The following HOMEZ variants were observed in gnomAD, a reference collection of about 807,000 sequenced individuals.
HOMEZ encodes the protein homeobox and leucine zipper encoding, also known as homeobox and leucine zipper protein Homez.
HOMEZ carries 20 observed loss-of-function variants against 50.1 expected under a neutral mutation model. The observed-to-expected ratio is 0.40, with a 90% CI of 0.28 to 0.58. HOMEZ has a LOEUF of 0.58. Among genes scored for constraint, HOMEZ ranks in the 20% least tolerant of loss-of-function variants. HOMEZ has a pLI of 0.46. For missense variants in HOMEZ, 579 were observed against 680.5 expected (o/e 0.85, Z 1.66); for synonymous variants, 239 against 254.7 (o/e 0.94, Z 0.59).
In HOMEZ at chr14:23,276,120, T is replaced by C. The variant is rs1307148212; in HGVS notation, c.1108A>G (p.Ile370Val). 1 of 1,614,002 alleles carries C rather than the reference T, an allele frequency of 6.2e-7. No homozygotes were observed. Among genetic ancestry groups the C allele is most frequent in the South Asian group, 1.1e-5 (1 of 91,084 alleles). ...TKRKTKEQLA[I>V]LKSFFLQCQW... Reference sequence around the variant, plus strand: ...CACTGTAAAAAAAAGGATTTAAGGATAGCCAGCTGCTCTTTGGTTTTGCGC... The same window carrying C: ...CACTGTAAAAAAAAGGATTTAAGGACAGCCAGCTGCTCTTTGGTTTTGCGC... Residue 370 changes from isoleucine to valine, a missense_variant, in exon 2 of 2, where the codon ATC (isoleucine) becomes GTC (valine). Ile to Val is a conservative substitution (Grantham distance 29). Coordinates refer to ENST00000357460, the MANE Select transcript of HOMEZ (RefSeq NM_020834.3). This position sits in a 1 kb window ranked among gnomAD's most constrained non-coding sequence, Gnocchi z 4.1.
At chr14:23,285,852 C>T in intron 1 of HOMEZ, 61 bp downstream of exon 1, 2 of 986,908 alleles carry the variant, frequency 2.0e-6, no homozygotes, top group Non-Finnish European at 2.7e-6. Context: ...GATGGGGCTC[C>T]AGAGGTGGGA....
At chr14:23,283,380 A>G (rs570723444) in intron 1 of HOMEZ, among the ~76,000 whole-genome samples, 1 of 152,042 alleles carries the variant, frequency 6.6e-6, no homozygotes, top group Non-Finnish European at 1.5e-5. Flanking sequence ...CTACAAATAA[A>G]TATATAAATT....
Position 23,275,862 on chromosome 14 carries a change from T to G in HOMEZ, c.1366A>C (p.Ile456Leu), listed in dbSNP as rs750025995. The change falls in exon 2 of 2, where the codon ATC (isoleucine) becomes CTC (leucine). Residue 456 changes from isoleucine (I) to leucine (L), a missense_variant. By Grantham distance (5) the Ile-to-Leu change is conservative (BLOSUM62 2). Coordinates refer to ENST00000357460, the MANE Select transcript of HOMEZ (RefSeq NM_020834.3). Reference protein sequence around the residue: ...NERAETPPLPIPPPPPDIQPL... With the variant: ...NERAETPPLPLPPPPPDIQPL... ...TGTATATCCGGTGGGGGTGGAGGGA[T>G]CGGCAGAGGTGGTGTCTCAGCCCTT... The G allele has an allele frequency of 5.0e-6, 8 of 1,596,916 alleles. No individual in the cohort carries two copies. The highest frequency in any genetic ancestry group is 6.0e-6 in the Non-Finnish European group (7 of 1,170,624).
rs1886324362 is a variant in HOMEZ, at chr14:23,275,571, C to T, written c.*4G>A. Reference sequence around the variant, plus strand: ...AACAGACCTCCCCTCCCCCAGCTCCCCACTCAGTCTTGTATGATCACATCA... The same window carrying T: ...AACAGACCTCCCCTCCCCCAGCTCCTCACTCAGTCTTGTATGATCACATCA... On this transcript the variant is annotated 3_prime_UTR_variant, in exon 2 of 2. Coordinates refer to ENST00000357460, the MANE Select transcript of HOMEZ (RefSeq NM_020834.3). 1.3e-6 allele frequency: 2 copies of T among 1,541,308 alleles called. No individual in the cohort carries two copies. The highest frequency in any genetic ancestry group is 8.8e-7 in the Non-Finnish European group (1 of 1,140,494).
chr14:23,277,166 G>C lies in HOMEZ; in HGVS notation c.62C>G (p.Ser21Ter). The stretch of plus-strand genomic sequence containing the variant: ...TTTATTAGGAGGCATGGTGCCTTCT[G>C]ATTTGTGCCCTTCAGAGATAGCTGC... The part of the protein sequence containing the change: ...LDCAISEGHK[S>*]EGTMPPNKEA... Residue 21 changes from serine to a stop codon, truncating the protein, a stop_gained, in exon 2 of 2, where the codon TCA becomes TGA. Coordinates refer to ENST00000357460, the MANE Select transcript of HOMEZ (RefSeq NM_020834.3). LOFTEE classifies it high-confidence loss of function. The C allele has an allele frequency of 6.3e-7, 1 of 1,591,360 alleles. No homozygotes were observed. The highest frequency in any genetic ancestry group is 8.6e-7 in the Non-Finnish European group (1 of 1,168,382).
chr14:23,281,430 A>C (rs1264478311), intron 1 of HOMEZ, among the ~76,000 whole-genome samples: 2 of 152,106 alleles, frequency 1.3e-5, no homozygotes, highest in Admixed American at 1.3e-4. Context: ...CAGCTATGTG[A>C]TCTCAGGCAA....
Position 23,276,782 on chromosome 14 carries a change from G to A in HOMEZ, c.446C>T (p.Pro149Leu), listed in dbSNP as rs1352623140. The change falls in exon 2 of 2, where the codon CCA (proline) becomes CTA (leucine). Residue 149 changes from proline (P) to leucine (L), a missense_variant. Transcript: ENST00000357460. The surrounding 1 kb of genome is among the most constrained non-coding windows in gnomAD (Gnocchi z 4.1). ...CACTGGAGGAGGAGGCACCTCCTCT[G>A]GGGGCCGTCCCGCATGATGAGTAAA... ...LSFTHHAGRPPEEVPPPPVPA... is the reference protein window; with the variant it reads ...LSFTHHAGRPLEEVPPPPVPA... 3 of 1,614,038 alleles carry A rather than the reference G, an allele frequency of 1.9e-6. No individual in the cohort carries two copies. Among genetic ancestry groups the A allele is most frequent in the Non-Finnish European group, 2.5e-6 (3 of 1,179,886 alleles).
rs1344825180 is a variant in HOMEZ, at chr14:23,273,163, G to A, written c.*2412C>T. Reference sequence around the variant, plus strand: ...CTCATTTCCTACAATTTGGAACAAAGGTCAAAAAAATAATTCTTGGCATCA... The same window carrying A: ...CTCATTTCCTACAATTTGGAACAAAAGTCAAAAAAATAATTCTTGGCATCA... On this transcript the variant is annotated 3_prime_UTR_variant, in exon 2 of 2. Coordinates refer to ENST00000357460, the MANE Select transcript of HOMEZ (RefSeq NM_020834.3). 7.2e-6 allele frequency: 2 copies of A among 276,692 alleles called. No homozygotes were observed. Among genetic ancestry groups the A allele is most frequent in the Non-Finnish European group, 1.4e-5 (2 of 147,078 alleles). 17.1% of individuals were successfully genotyped at this position (276,692 alleles called of 1,614,324 possible).
At position 23,275,591 on chromosome 14, in the gene HOMEZ, A is replaced by ACAT. The variant is rs148005528; in HGVS notation, c.1634_1636dup (p.Asp545dup). 449 of 1,498,278 alleles carry ACAT rather than the reference A, an allele frequency of 3.0e-4. 1 individual carries two copies. Among genetic ancestry groups the ACAT allele is most frequent in the African/African-American group, 1.8e-3 (124 of 69,804 alleles). 92.8% of individuals were successfully genotyped at this position (1,498,278 alleles called of 1,614,324 possible). On this transcript the variant is annotated inframe_insertion, in exon 2 of 2. Transcript: ENST00000357460. ...GCTCCCCACTCAGTCTTGTATGATC[A>ACAT]CATCATCATCATCATCATCATCATC... is the stretch of plus-strand genomic sequence containing the variant.
intron 1 of HOMEZ, among the ~76,000 whole-genome samples, chr14:23,280,138 C>G (rs1886458305): frequency 6.6e-6 from 1 of 151,902 alleles, no homozygotes; most frequent in Non-Finnish European, 1.5e-5. Flanking sequence ...TAAGCCCAAA[C>G]CTGATAGCTT....
chr14:23,275,309 C>A lies in HOMEZ; in HGVS notation c.*266G>T. The stretch of plus-strand genomic sequence containing the variant: ...GAGGAGAGCAAGAGCAGCTTCCCAG[C>A]CCATGGTTTCCCCAGATCCTTAGCA... On this transcript the variant is annotated 3_prime_UTR_variant, in exon 2 of 2. Transcript: ENST00000357460. The A allele has an allele frequency of 2.1e-6, 1 of 470,588 alleles. No individual in the cohort carries two copies. The highest frequency in any genetic ancestry group is 3.9e-5 in the South Asian group (1 of 25,728). The allele number at this position is 470,588 out of a possible 1,614,324, so 29.2% of individuals were successfully genotyped here.
intron 1 of HOMEZ, among the ~76,000 whole-genome samples, chr14:23,280,720 A>ATTATTTTATTTTATT (rs1886505373): frequency 1.5e-5 from 1 of 65,052 alleles, no homozygotes; most frequent in Non-Finnish European, 3.0e-5. Context: ...TTTTTATTTT[A>ATTATTTTATTTTATT]TTTTATTTTA....
At chr14:23,280,021 A>G (rs1459736959) in intron 1 of HOMEZ, among the ~76,000 whole-genome samples, 3 of 151,714 alleles carry the variant, frequency 2.0e-5, no homozygotes, top group African/African-American at 7.3e-5. Flanking sequence ...CAACTGATGA[A>G]TATCTGGAAG....
chr14:23,285,287 A>G (rs1365374726), intron 1 of HOMEZ: 1 of 151,772 alleles, frequency 6.6e-6, no homozygotes, highest in East Asian at 1.9e-4. Context: ...AGGGGCCCAC[A>G]TTACCAAACA....
chr14:23,272,962 G>A lies in HOMEZ; in HGVS notation c.*2613C>T. On this transcript the variant is annotated 3_prime_UTR_variant, in exon 2 of 2. Transcript: ENST00000357460. ...GTAGCTTCCAGTACGCATTAGGGGT[G>A]ATGGCCCTGGAAAATGTATCCCTGC... 1 of 823,116 alleles carries A rather than the reference G, an allele frequency of 1.2e-6. No individual in the cohort carries two copies. Among genetic ancestry groups the A allele is most frequent in the Non-Finnish European group, 1.9e-6 (1 of 533,704 alleles). The allele number at this position is 823,116 out of a possible 1,614,324, so 51.0% of individuals were successfully genotyped here. A position where few individuals can be genotyped will look rare whatever the true frequency, so the allele number is the denominator to read the frequency against.
rs562005158 is a variant in HOMEZ at position 23,276,099 on chromosome 14, G to T, written c.1129C>A (p.Gln377Lys). 1 of 1,613,718 alleles carries T rather than the reference G, an allele frequency of 6.2e-7. No homozygotes were observed. Among genetic ancestry groups the T allele is most frequent in the South Asian group, 1.1e-5 (1 of 91,072 alleles). Residue 377 changes from glutamine to lysine, a missense_variant, in exon 2 of 2, where the codon CAG becomes AAG. By Grantham distance (53) the Gln-to-Lys change is moderately conservative. Transcript: ENST00000357460. This position sits in a 1 kb window ranked among gnomAD's most constrained non-coding sequence, Gnocchi z 4.1. ...TCCTCACGCCGTGCCCACTGGCACT[G>T]TAAAAAAAAGGATTTAAGGATAGCC... ...QLAILKSFFL[Q>K]CQWARREDYQ... is the part of the protein sequence containing the mutation.
rs530055537 is a variant in HOMEZ, at chr14:23,285,443, C to T, written c.40+470G>A. The T allele has an allele frequency of 2.6e-5, 4 of 153,120 alleles. No homozygotes were observed. The South Asian group carries it at 8.3e-4, about 32-fold the overall frequency. The allele number at this position is 153,120 out of a possible 1,614,324, so 9.5% of individuals were successfully genotyped here. A position where few individuals can be genotyped will look rare whatever the true frequency, so the allele number is the denominator to read the frequency against. ...AGTCAGAGGGGCAGTTTCTTCTAAA[C>T]CTTTCATTCCCAAAGGCCACTGATC... On this transcript the variant is annotated intron_variant, in intron 1 of 1. Coordinates refer to ENST00000357460, the MANE Select transcript of HOMEZ (RefSeq NM_020834.3).
intron 1 of HOMEZ, among the ~76,000 whole-genome samples, chr14:23,279,498 T>A (rs1886441073): frequency 6.6e-6 from 1 of 152,022 alleles, no homozygotes; most frequent in South Asian, 2.1e-4. Flanking sequence ...GAGCAGGAAA[T>A]CGGAAGGAGT....
rs1030039888 is a variant in HOMEZ, at chr14:23,285,906, C to G, written c.40+7G>C. The G allele has an allele frequency of 3.2e-6, 4 of 1,245,790 alleles. No homozygotes were observed. In the African/African-American group the frequency reaches 6.2e-5, roughly 19 times the overall value. 77.2% of individuals were successfully genotyped at this position (1,245,790 alleles called of 1,614,324 possible). On this transcript the variant is annotated splice_region_variant and intron_variant, in intron 1 of 1. Transcript: ENST00000357460. The stretch of plus-strand genomic sequence containing the variant: ...AGGGGAAGTCCAAGGGGCTGGGGAT[C>G]ACTCACCGCAGTCCAGCCCGGGCGG...
Sources: allele counts gnomAD v4.1 joint callset (sites outside exome capture counted in the v4.1 genomes callset), GRCh38; gene constraint gnomAD v4.1.1; non-coding constraint Gnocchi (gnomAD v3.1); transcripts MANE v1.5; gene names NCBI Gene and HGNC (gene_info 2026-07-23, HGNC 2026-07-21).